The following XRN2 variants were observed in gnomAD, a reference collection of about 807,000 sequenced individuals.
The protein encoded by XRN2 is DHM1-like protein.
XRN2 carries 44 observed loss-of-function variants against 138.5 expected under a neutral mutation model. The ratio of observed to expected loss-of-function variants is 0.32; its 90% CI spans 0.25 to 0.41. The LOEUF is 0.41. Ranked by LOEUF, XRN2 falls within the 10% of genes least tolerant of loss-of-function variation. The pLI is 1.00. For synonymous variants in XRN2, 354 were observed against 369.4 expected (o/e 0.96, Z 0.48); for missense variants, 937 against 1,169.3 (o/e 0.80, Z 2.90).
At chr20:21,321,643 C>CA (rs1555783477) in intron 1 of XRN2, among the ~76,000 whole-genome samples, 1 of 151,882 alleles carries the variant, frequency 6.6e-6, no homozygotes, top group Admixed American at 6.6e-5. Context: ...TTGAGAACAG[C>CA]TTTTTTTTGT....
intron 21 of XRN2, 136 bp downstream of exon 21, chr20:21,355,008 T>C (rs1328579932): frequency 1.6e-6 from 1 of 626,052 alleles, no homozygotes; most frequent in South Asian, 4.5e-5. Context: ...TATTTTCTTA[T>C]TACAGACGTT....
At chr20:21,345,358 T>G (rs2038423138) in intron 16 of XRN2, among the ~76,000 whole-genome samples, 2 of 152,214 alleles carry the variant, frequency 1.3e-5, no homozygotes, top group Non-Finnish European at 2.9e-5. Flanking sequence ...TTCATTAACC[T>G]TTTCTGTAAA....
chr20:21,329,272 G>A (rs1325619413), intron 4 of XRN2, among the ~76,000 whole-genome samples: 2 of 152,120 alleles, frequency 1.3e-5, no homozygotes, highest in African/African-American at 4.8e-5. Flanking sequence ...AATTCCTGGT[G>A]GCTACATGGG....
chr20:21,329,658 G>A (rs2038175835), intron 4 of XRN2, among the ~76,000 whole-genome samples: 1 of 151,676 alleles, frequency 6.6e-6, no homozygotes, highest in South Asian at 2.1e-4. Context: ...TCTTTTTTTT[G>A]AAGATGTGAT....
chr20:21,344,193 C>A lies in XRN2; in HGVS notation c.1514C>A (p.Pro505Gln). ...GAAGACAGTGACAGTGAACCTGAGC[C>A]AGAGGATAATGTCAGGTGAAGCCAT... ...KAEDSDSEPE[P>Q]EDNVRLWEAG... The change falls in exon 16 of 30, where the codon CCA becomes CAA. Residue 505 changes from proline (P) to glutamine (Q), a missense_variant. This residue lies in a region of XRN2 where 471 missense variants were observed against 581.2 expected (regional missense o/e 0.81). Coordinates refer to ENST00000377191, the MANE Select transcript of XRN2 (RefSeq NM_012255.5). 6.2e-7 allele frequency: 1 copy of A among 1,612,658 alleles called. No homozygotes were observed. The highest frequency in any genetic ancestry group is 1.1e-5 in the South Asian group (1 of 90,966).
At chr20:21,333,461 G>T in intron 9 of XRN2, 83 bp from the exon 10 acceptor site, 1 of 1,401,686 alleles carries the variant, frequency 7.1e-7, no homozygotes, top group Non-Finnish European at 1.0e-6. Context: ...TTGTGCGTTA[G>T]AAAAAGCCTT....
intron 4 of XRN2, among the ~76,000 whole-genome samples, chr20:21,328,972 G>A (rs947403843): frequency 6.6e-6 from 1 of 152,152 alleles, no homozygotes; most frequent in South Asian, 2.1e-4. Flanking sequence ...TGTCTCTGTA[G>A]AATAGAAATA....
intron 1 of XRN2, among the ~76,000 whole-genome samples, chr20:21,308,977 T>C (rs2037841243): frequency 6.6e-6 from 1 of 152,252 alleles, no homozygotes; most frequent in Non-Finnish European, 1.5e-5. Context: ...TGGTGAATTA[T>C]CGGTCTTTAA....
At chr20:21,372,198 G>T (rs956525900) in intron 27 of XRN2, among the ~76,000 whole-genome samples, 1 of 152,156 alleles carries the variant, frequency 6.6e-6, no homozygotes, top group African/African-American at 2.4e-5. Flanking sequence ...ATTAGTGCTG[G>T]GACTCTAATG....
rs142563071 is a variant in XRN2, at chr20:21,356,665, A to G, written c.2198A>G (p.Gln733Arg). ...SLDEEAILPD[Q>R]IVCSPVPMLR... ...GATGAAGAAGCCATTCTTCCAGATCAGTAAGTTTCATTTTGTATATAATTG... is the reference window on the plus strand; with the variant it reads ...GATGAAGAAGCCATTCTTCCAGATCGGTAAGTTTCATTTTGTATATAATTG... The change falls in exon 23 of 30, where the codon CAA becomes CGA. Residue 733 changes from glutamine (Q) to arginine (R), a missense_variant and splice_region_variant. Coordinates refer to ENST00000377191, the MANE Select transcript of XRN2 (RefSeq NM_012255.5). 5.4e-4 allele frequency: 877 copies of G among 1,612,898 alleles called. 1 individual carries two copies. In the African/African-American group the frequency reaches 0.011, roughly 20 times the overall value.
chr20:21,340,461 C>G (rs1051104924), intron 14 of XRN2, among the ~76,000 whole-genome samples: 4 of 152,060 alleles, frequency 2.6e-5, no homozygotes, highest in African/African-American at 9.7e-5. Context: ...GAAAGATTTT[C>G]TCTATGTTTC....
chr20:21,386,309 G>A (rs963626713), intron 28 of XRN2, among the ~76,000 whole-genome samples: 2 of 152,280 alleles, frequency 1.3e-5, no homozygotes, highest in East Asian at 3.9e-4. Context: ...TGCATCAATA[G>A]AACTTGAAAA....
At chr20:21,334,624 G>T (rs1398761144) in intron 13 of XRN2, among the ~76,000 whole-genome samples, 2 of 152,154 alleles carry the variant, frequency 1.3e-5, no homozygotes, top group African/African-American at 2.4e-5. Flanking sequence ...GATCTGTGGA[G>T]AGCTGAATCT....
chr20:21,331,515 A>G (rs373983822), intron 6 of XRN2, 46 bp from the exon 7 acceptor site: 48 of 1,507,280 alleles, frequency 3.2e-5, no homozygotes, highest in Admixed American at 5.3e-5. Flanking sequence ...TTTTGTGCCT[A>G]TAGAAAATTG....
At position 21,306,606 on chromosome 20, in the gene XRN2, T is replaced by A. The variant is rs1414875428; in HGVS notation, c.75+3133T>A. 5.1e-5 allele frequency among the ~76,000 whole-genome samples: 4 copies of A among 77,860 alleles called. 2 individuals are homozygous for A. Among genetic ancestry groups the A allele is most frequent in the Non-Finnish European group, 1.2e-4 (4 of 32,978 alleles). 51.1% of individuals were successfully genotyped at this position (77,860 alleles called of 152,430 possible). The stretch of plus-strand genomic sequence containing the variant: ...TTTAAGAACTTTATTATAACTTGTT[T>A]GATCCTCACAACCACATGACTTCTA... On this transcript the variant is annotated intron_variant, in intron 1 of 29. Transcript: ENST00000377191.
intron 17 of XRN2, among the ~76,000 whole-genome samples, chr20:21,346,766 G>T (rs1430711715): frequency 1.3e-5 from 2 of 151,838 alleles, no homozygotes; most frequent in Non-Finnish European, 2.9e-5. Context: ...ATTACAGAGC[G>T]CACCACCACA....
intron 15 of XRN2, among the ~76,000 whole-genome samples, chr20:21,342,471 T>C (rs2038384618): frequency 6.6e-6 from 1 of 152,198 alleles, no homozygotes; most frequent in African/African-American, 2.4e-5. Context: ...GTGAACAGCA[T>C]TTTTTTCTAG....
At chr20:21,370,195 G>C (rs1024044358) in intron 27 of XRN2, among the ~76,000 whole-genome samples, 3 of 152,092 alleles carry the variant, frequency 2.0e-5, no homozygotes, top group African/African-American at 7.2e-5. Context: ...TGGGTTCTCT[G>C]TTGTATTCCA....
intron 27 of XRN2, among the ~76,000 whole-genome samples, chr20:21,375,316 T>G (rs2038808816): frequency 6.6e-6 from 1 of 151,886 alleles, no homozygotes; most frequent in East Asian, 1.9e-4. Flanking sequence ...TATTGATTTC[T>G]GCTTTTGTCT....
Sources: allele counts gnomAD v4.1 joint callset (sites outside exome capture counted in the v4.1 genomes callset), GRCh38; gene constraint gnomAD v4.1.1; regional missense constraint gnomAD v4.1.1; transcripts MANE v1.5; gene names NCBI Gene and HGNC (gene_info 2026-07-23, HGNC 2026-07-21).